Variants in PODXL observed in about 807,000 individuals in gnomAD.
The protein encoded by PODXL is podocalyxin.
A neutral mutation model predicts 48.9 loss-of-function variants in PODXL; 20 were observed. The ratio of observed to expected loss-of-function variants is 0.41; its 90% CI spans 0.29 to 0.59. The LOEUF (loss-of-function observed/expected upper bound fraction) is 0.59. Ranked by LOEUF, PODXL falls within the 20% of genes least tolerant of loss-of-function variation. The pLI is 0.31. For synonymous variants in PODXL, 295 were observed against 287.4 expected (o/e 1.03, Z -0.27); for missense variants, 606 against 675.1 (o/e 0.90, Z 1.13).
chr7:131,542,983 C>T (rs1342597101), intron 1 of PODXL, among the ~76,000 whole-genome samples: 1 of 152,182 alleles, frequency 6.6e-6, no homozygotes, highest in Non-Finnish European at 1.5e-5. Context: ...TCGGGCTGGA[C>T]GCAGGGGCCA....
At chr7:131,530,966 G>A (rs1386273609) in intron 1 of PODXL, among the ~76,000 whole-genome samples, 1 of 152,046 alleles carries the variant, frequency 6.6e-6, no homozygotes, top group Non-Finnish European at 1.5e-5. Context: ...GCTGAGACAG[G>A]AGAATCGCTT....
At position 131,503,135 on chromosome 7, in the gene PODXL, A is replaced by G. The variant is rs561681188; in HGVS notation, c.*1176T>C. 6.5e-6 allele frequency: 1 copy of G among 152,796 alleles called. No homozygotes were observed. Among genetic ancestry groups the G allele is most frequent in the South Asian group, 2.1e-4 (1 of 4,820 alleles). The allele number at this position is 152,796 out of a possible 1,614,324, so 9.5% of individuals were successfully genotyped here. On this transcript the variant is annotated 3_prime_UTR_variant, in exon 9 of 9. Coordinates refer to ENST00000378555, the MANE Select transcript of PODXL (RefSeq NM_001018111.3). ...GAGGGCTGGGTTAGAAAACAACTAT[A>G]ACAAAACTCTCAGCAACTTGAAATG...
chr7:131,511,225 G>T lies in PODXL; in HGVS notation c.309C>A (p.Val103=). The change falls in exon 2 of 9, where the codon GTC becomes GTA. Residue 103 remains valine, a synonymous_variant. Coordinates refer to ENST00000378555, the MANE Select transcript of PODXL (RefSeq NM_001018111.3). ...CGCCTCCTCTAGCCACGGTAGTGTTGACTGGGCCTGAGACTTGCTGAGCCA... is the reference window on the plus strand; with the variant it reads ...CGCCTCCTCTAGCCACGGTAGTGTTTACTGGGCCTGAGACTTGCTGAGCCA... ...TTLAQQVSGP[V]NTTVARGGGS... 1 of 1,614,068 alleles carries T rather than the reference G, an allele frequency of 6.2e-7. No individual in the cohort carries two copies. Among genetic ancestry groups the T allele is most frequent in the Non-Finnish European group, 8.5e-7 (1 of 1,180,018 alleles).
chr7:131,526,739 CTTTTTTTTTT>C lies in PODXL; in HGVS notation c.101-15316_101-15307del, dbSNP rs57935236. 2.3e-4 allele frequency among the ~76,000 whole-genome samples: 21 copies of C among 90,518 alleles called. 1 individual carries two copies. The highest frequency in any genetic ancestry group is 7.5e-4 in the African/African-American group (17 of 22,588). 59.4% of individuals were successfully genotyped at this position (90,518 alleles called of 152,430 possible). ...TTGTTCAATCCACAACTTCCTTACT[CTTTTTTTTTT>C]TTTTTTTTTTGAGACGGAGTCTGTT... On this transcript the variant is annotated intron_variant, in intron 1 of 8. Coordinates refer to ENST00000378555, the MANE Select transcript of PODXL (RefSeq NM_001018111.3).
intron 1 of PODXL, among the ~76,000 whole-genome samples, chr7:131,541,422 T>C (rs1798479362): frequency 6.6e-6 from 1 of 152,086 alleles, no homozygotes; most frequent in Admixed American, 6.5e-5. Flanking sequence ...GCGCAGTGGC[T>C]CACACCTGTA....
chr7:131,526,096 A>C (rs1434712168), intron 1 of PODXL, among the ~76,000 whole-genome samples: 1 of 152,234 alleles, frequency 6.6e-6, no homozygotes, highest in African/African-American at 2.4e-5. Context: ...ACCATTCTAC[A>C]ATGAAATGAA....
At position 131,501,109 on chromosome 7, in the gene PODXL, AAAC is replaced by A. The variant is rs1369382871; in HGVS notation, c.*3199_*3201del. The stretch of plus-strand genomic sequence containing the variant: ...GCAGGGTTGCATTTTAAAATTAAAA[AAAC>A]AAAACAAAACACCTGATCTACAAGA... On this transcript the variant is annotated 3_prime_UTR_variant, in exon 9 of 9. Coordinates refer to ENST00000378555, the MANE Select transcript of PODXL (RefSeq NM_001018111.3). The A allele has an allele frequency of 1.3e-5, 2 of 152,650 alleles. No individual in the cohort carries two copies. Among genetic ancestry groups the A allele is most frequent in the African/African-American group, 4.8e-5 (2 of 41,516 alleles). The allele number at this position is 152,650 out of a possible 1,614,324, so 9.5% of individuals were successfully genotyped here.
chr7:131,508,146 A>G (rs1797842622), intron 5 of PODXL, among the ~76,000 whole-genome samples: 1 of 152,186 alleles, frequency 6.6e-6, no homozygotes, highest in African/African-American at 2.4e-5. Flanking sequence ...CTTTGGACCC[A>G]TGGAGACCGG....
chr7:131,527,630 T>C (rs897447284), intron 1 of PODXL, among the ~76,000 whole-genome samples: 5 of 152,256 alleles, frequency 3.3e-5, no homozygotes, highest in African/African-American at 1.2e-4. Flanking sequence ...GAAGAGTGAA[T>C]GAATGGTAGG....
chr7:131,526,101 A>C (rs1798181512), intron 1 of PODXL, among the ~76,000 whole-genome samples: 1 of 152,232 alleles, frequency 6.6e-6, no homozygotes, highest in Admixed American at 6.5e-5. Flanking sequence ...TCTACAATGA[A>C]ATGAACCAAG....
At chr7:131,545,629 T>C (rs1443685016) in intron 1 of PODXL, among the ~76,000 whole-genome samples, 2 of 152,198 alleles carry the variant, frequency 1.3e-5, no homozygotes, top group Non-Finnish European at 2.9e-5. Context: ...TAGATCGATG[T>C]TCTACTAAAA....
At chr7:131,548,692 G>A (rs1798621527) in intron 1 of PODXL, among the ~76,000 whole-genome samples, 1 of 152,072 alleles carries the variant, frequency 6.6e-6, no homozygotes, top group Admixed American at 6.5e-5. Flanking sequence ...TTGTTGCTAT[G>A]AGCAGCCAAA....
chr7:131,555,525 A>G (rs1412948820), intron 1 of PODXL, among the ~76,000 whole-genome samples: 5 of 152,176 alleles, frequency 3.3e-5, no homozygotes, highest in Non-Finnish European at 7.4e-5. Context: ...ATTCTACGAG[A>G]GAGAAGTTCC....
chr7:131,518,769 G>T (rs560710241), intron 1 of PODXL, among the ~76,000 whole-genome samples: 1 of 152,158 alleles, frequency 6.6e-6, no homozygotes, highest in Admixed American at 6.5e-5. Flanking sequence ...TGACAGAAAC[G>T]TGGCAGCCTG....
At chr7:131,518,918 T>C (rs936844504) in intron 1 of PODXL, among the ~76,000 whole-genome samples, 4 of 152,120 alleles carry the variant, frequency 2.6e-5, no homozygotes, top group African/African-American at 9.7e-5. Flanking sequence ...CCCAGAGCCT[T>C]TCTCTAGACG....
chr7:131,556,529 C>A lies in PODXL; in HGVS notation c.-170G>T, dbSNP rs1798750967. 3.9e-6 allele frequency: 3 copies of A among 770,668 alleles called. No homozygotes were observed. The highest frequency in any genetic ancestry group is 5.3e-6 in the Non-Finnish European group (3 of 568,174). The allele number at this position is 770,668 out of a possible 1,614,324, so 47.7% of individuals were successfully genotyped here. A position where few individuals can be genotyped will look rare whatever the true frequency, so the allele number is the denominator to read the frequency against. On this transcript the variant is annotated 5_prime_UTR_variant, in exon 1 of 9. Transcript: ENST00000378555. ...CGCTGCGGCGGCTCTTCCTCCCTGC[C>A]GCTGCAGCAGAGCCGGGCTGGGGCG... is the stretch of plus-strand genomic sequence containing the variant.
At chr7:131,511,601 C>CT (rs1369961754) in intron 1 of PODXL, among the ~76,000 whole-genome samples, 168 bp from the exon 2 acceptor site, 1 of 152,054 alleles carries the variant, frequency 6.6e-6, no homozygotes, top group African/African-American at 2.4e-5. Flanking sequence ...CAAGAAACCT[C>CT]TTTTTTCTGT....
intron 1 of PODXL, among the ~76,000 whole-genome samples, chr7:131,552,322 CA>C (rs1196647751): frequency 6.6e-6 from 1 of 152,182 alleles, no homozygotes; most frequent in African/African-American, 2.4e-5. Flanking sequence ...CCTAGGAAAC[CA>C]GGGAAGGCAT....
chr7:131,503,897 A>C lies in PODXL; in HGVS notation c.*414T>G. The C allele has an allele frequency of 4.6e-6, 1 of 219,116 alleles. No individual in the cohort carries two copies. The highest frequency in any genetic ancestry group is 7.0e-5 in the South Asian group (1 of 14,386). 13.6% of individuals were successfully genotyped at this position (219,116 alleles called of 1,614,324 possible). On this transcript the variant is annotated 3_prime_UTR_variant, in exon 9 of 9. Coordinates refer to ENST00000378555, the MANE Select transcript of PODXL (RefSeq NM_001018111.3). ...CTCTGGACGGAAGGCACATGTGAAC[A>C]CAGCAGTGTGGCATGGTGCAAATGG...
Sources: allele counts gnomAD v4.1 joint callset (sites outside exome capture counted in the v4.1 genomes callset), GRCh38; gene constraint gnomAD v4.1.1; transcripts MANE v1.5; gene names NCBI Gene and HGNC (gene_info 2026-07-23, HGNC 2026-07-21).